Variants in PLEKHA5 observed in about 807,000 individuals in gnomAD.
PLEKHA5 encodes the protein pleckstrin homology domain-containing family A member 5.
PLEKHA5 carries 55 observed loss-of-function variants against 181.9 expected under a neutral mutation model. The ratio of observed to expected loss-of-function variants is 0.30; its 90% CI spans 0.24 to 0.38. The LOEUF (loss-of-function observed/expected upper bound fraction) is 0.38, where lower values mean the gene tolerates loss of function less well. Among genes scored for constraint, PLEKHA5 ranks in the 10% least tolerant of loss-of-function variants. The pLI, the probability that PLEKHA5 is intolerant of heterozygous loss-of-function variation, is 1.00. For synonymous variants in PLEKHA5, 535 were observed against 529.4 expected, an observed-to-expected ratio of 1.01 and a Z score of -0.15; for missense variants, 1,432 against 1,549.5, an observed-to-expected ratio of 0.92 and a Z score of 1.27.
At chr12:19,263,072 A>T (rs1216076583) in intron 7 of PLEKHA5, among the ~76,000 whole-genome samples, 3 of 152,232 alleles carry the variant, frequency 2.0e-5, no homozygotes, top group Non-Finnish European at 4.4e-5. Flanking sequence ...GGCTGTTGGA[A>T]AGAAGTATAT....
intron 15 of PLEKHA5, chr12:19,307,222 C>G: frequency 3.6e-6 from 2 of 562,712 alleles, no homozygotes; most frequent in Non-Finnish European, 6.4e-6. Context: ...CCAGTAATCC[C>G]AGAGCTTTGG....
At chr12:19,188,375 A>C (rs2050325925) in intron 3 of PLEKHA5, among the ~76,000 whole-genome samples, 1 of 152,172 alleles carries the variant, frequency 6.6e-6, no homozygotes. Flanking sequence ...CATAAATAAA[A>C]TCTGTTTTCA....
chr12:19,262,225 T>C lies in PLEKHA5; in HGVS notation c.610+1204T>C, dbSNP rs148934667. Among the ~76,000 whole-genome samples, 1,210 of 152,102 alleles carry C rather than the reference T, an allele frequency of 8.0e-3. 60 individuals carry two copies. The highest frequency in any genetic ancestry group is 0.068 in the Admixed American group (1,033 of 15,252). On this transcript the variant is annotated intron_variant, in intron 7 of 31. Transcript: ENST00000429027. ...ATTTTAAATTTCTAATACAAGAATT[T>C]GTTGGGTTTTGTTTTGTTTTGTTTT...
At chr12:19,230,437 C>CAGGAACCCATGGGCT (rs2060344258) in intron 3 of PLEKHA5, among the ~76,000 whole-genome samples, 1 of 152,082 alleles carries the variant, frequency 6.6e-6, no homozygotes. Flanking sequence ...AGGCTTGGGC[C>CAGGAACCCATGGGCT]GTGCAGGAAC....
chr12:19,163,927 A>G (rs2043613909), intron 3 of PLEKHA5, among the ~76,000 whole-genome samples: 1 of 152,130 alleles, frequency 6.6e-6, no homozygotes, highest in South Asian at 2.1e-4. Context: ...AACCAAACTC[A>G]GAATTTTCTT....
At chr12:19,333,954 A>C (rs1258993176) in intron 20 of PLEKHA5, among the ~76,000 whole-genome samples, 1 of 152,038 alleles carries the variant, frequency 6.6e-6, no homozygotes, top group Non-Finnish European at 1.5e-5. Context: ...TCTACTTTTT[A>C]TTGAAAGCAC....
intron 25 of PLEKHA5, among the ~76,000 whole-genome samples, chr12:19,348,879 T>A (rs141108820): frequency 6.6e-6 from 1 of 152,192 alleles, no homozygotes. Flanking sequence ...GGAGAATCAC[T>A]GGAACCCAGG....
chr12:19,323,016 ATTT>A (rs538132540), intron 20 of PLEKHA5, among the ~76,000 whole-genome samples: 7,859 of 92,656 alleles, frequency 0.085, 450 homozygotes, highest in East Asian at 0.21. Context: ...ACCTGGCTAG[ATTT>A]TTTTTTTTTT....
intron 3 of PLEKHA5, among the ~76,000 whole-genome samples, chr12:19,189,075 A>G (rs1322243007): frequency 2.0e-5 from 3 of 152,180 alleles, no homozygotes; most frequent in Non-Finnish European, 2.9e-5. Flanking sequence ...GAGACTGGAC[A>G]TATATTTAGT....
intron 3 of PLEKHA5, chr12:19,151,013 T>G (rs1316055853): frequency 6.6e-6 from 1 of 152,110 alleles, no homozygotes; most frequent in Non-Finnish European, 1.5e-5. Flanking sequence ...AGGTTGGAGA[T>G]TTGGTGTTGC....
At chr12:19,279,690 T>C (rs980087432) in intron 11 of PLEKHA5, among the ~76,000 whole-genome samples, 21 of 151,460 alleles carry the variant, frequency 1.4e-4, no homozygotes, top group African/African-American at 5.1e-4. Flanking sequence ...CATATATATA[T>C]AAAATCTCTT....
intron 21 of PLEKHA5, among the ~76,000 whole-genome samples, chr12:19,342,385 G>A (rs1281825885): frequency 1.3e-5 from 2 of 151,992 alleles, no homozygotes; most frequent in Non-Finnish European, 2.9e-5. Flanking sequence ...GGCCGGGCGC[G>A]GTGGCTCACA....
intron 3 of PLEKHA5, among the ~76,000 whole-genome samples, chr12:19,185,904 A>G (rs1180412060): frequency 3.3e-5 from 5 of 152,206 alleles, no homozygotes; most frequent in African/African-American, 1.2e-4. Context: ...ATTTTTATTA[A>G]TGCCTTTTGG....
At chr12:19,139,334 A>G (rs1021338429) in intron 3 of PLEKHA5, among the ~76,000 whole-genome samples, 1 of 152,118 alleles carries the variant, frequency 6.6e-6, no homozygotes, top group Non-Finnish European at 1.5e-5. Context: ...GCTTGAGAGG[A>G]CATAGCATTT....
chr12:19,154,183 T>A (rs1252765053), intron 3 of PLEKHA5: 1 of 152,204 alleles, frequency 6.6e-6, no homozygotes, highest in African/African-American at 2.4e-5. Context: ...ATATATAAAC[T>A]TTCTTTTATT....
At position 19,271,255 on chromosome 12, in the gene PLEKHA5, A is replaced by G. The variant is rs140011962; in HGVS notation, c.845+1050A>G. On this transcript the variant is annotated intron_variant, in intron 10 of 31. Transcript: ENST00000429027. The stretch of plus-strand genomic sequence containing the variant: ...GCTGAGCATGGTGGCTCACACCTGT[A>G]ATTCTAGCACTTTGGGAGGTTGAGG... Among the ~76,000 whole-genome samples, 1,418 of 152,314 alleles carry G rather than the reference A, an allele frequency of 9.3e-3. 26 individuals carry two copies. Among genetic ancestry groups the G allele is most frequent in the African/African-American group, 0.032 (1,335 of 41,560 alleles).
intron 15 of PLEKHA5, among the ~76,000 whole-genome samples, chr12:19,308,716 C>A (rs2085087528): frequency 1.3e-5 from 2 of 152,058 alleles, no homozygotes; most frequent in Non-Finnish European, 2.9e-5. Flanking sequence ...TGTTGACATG[C>A]CAAATTAACA....
intron 3 of PLEKHA5, among the ~76,000 whole-genome samples, chr12:19,195,672 CAAAA>C (rs3056386): frequency 9.8e-5 from 8 of 81,600 alleles, no homozygotes; most frequent in Admixed American, 1.4e-4. Context: ...GACCCTGTCT[CAAAA>C]AAAAAAAAAA....
At chr12:19,221,222 G>T (rs2058884136) in intron 3 of PLEKHA5, among the ~76,000 whole-genome samples, 1 of 152,138 alleles carries the variant, frequency 6.6e-6, no homozygotes, top group Admixed American at 6.6e-5. Context: ...ATTCATAGTT[G>T]CCAAAACTGG....
Sources: allele counts gnomAD v4.1 joint callset (sites outside exome capture counted in the v4.1 genomes callset), GRCh38; gene constraint gnomAD v4.1.1; transcripts MANE v1.5; gene names NCBI Gene and HGNC (gene_info 2026-07-23, HGNC 2026-07-21).